The following BCL2 variants were observed in gnomAD, a reference collection of about 807,000 sequenced individuals.
BCL2 encodes the protein BCL2 apoptosis regulator.
A neutral mutation model predicts 14.2 loss-of-function variants in BCL2; 1 was observed. The observed-to-expected ratio is 0.07, with a 90% confidence interval of 0.02 to 0.33. The LOEUF is 0.33. BCL2 is among the 10% of genes least tolerant of loss of function. The pLI is 0.99. For missense variants in BCL2, 247 were observed against 305.9 expected, an observed-to-expected ratio of 0.81 and a Z score of 1.44; for synonymous variants, 151 against 137.2, an observed-to-expected ratio of 1.10 and a Z score of -0.70.
chr18:63,222,797 C>T (rs1360346812), intron 2 of BCL2, among the ~76,000 whole-genome samples: 2 of 152,132 alleles, frequency 1.3e-5, no homozygotes, highest in African/African-American at 4.8e-5. Flanking sequence ...ATAAAACCAC[C>T]AGGACAATAG....
intron 2 of BCL2, among the ~76,000 whole-genome samples, chr18:63,288,281 G>A (rs757432448): frequency 3.9e-5 from 6 of 152,170 alleles, no homozygotes; most frequent in Admixed American, 6.5e-5. Context: ...ATCACAAAGA[G>A]GGAATGACAC....
At chr18:63,224,093 C>T (rs145235581) in intron 2 of BCL2, among the ~76,000 whole-genome samples, 142 of 151,828 alleles carry the variant, frequency 9.4e-4, no homozygotes, top group African/African-American at 2.2e-3. Flanking sequence ...AAACTTAAGA[C>T]GGTAACAGAA....
chr18:63,169,373 T>TTCTCTTTCTTTCTTTCTTTC (rs1343508111), intron 2 of BCL2, among the ~76,000 whole-genome samples: 3 of 78,246 alleles, frequency 3.8e-5, no homozygotes, highest in African/African-American at 5.5e-5. Context: ...TTCTTTCTCT[T>TTCTCTTTCTTTCTTTCTTTC]TCTTTCTTTC....
At chr18:63,190,383 C>A (rs1242339829) in intron 2 of BCL2, among the ~76,000 whole-genome samples, 2 of 152,202 alleles carry the variant, frequency 1.3e-5, no homozygotes, top group Non-Finnish European at 2.9e-5. Flanking sequence ...TTTAAAACAT[C>A]TTTTCTAAGG....
At chr18:63,214,646 T>C (rs981896287) in intron 2 of BCL2, among the ~76,000 whole-genome samples, 3 of 151,972 alleles carry the variant, frequency 2.0e-5, no homozygotes, top group Non-Finnish European at 2.9e-5. Context: ...AAAAAAATCA[T>C]GCTAAAAATA....
intron 2 of BCL2, among the ~76,000 whole-genome samples, chr18:63,214,057 G>A (rs1463126662): frequency 1.3e-5 from 2 of 152,204 alleles, no homozygotes; most frequent in Non-Finnish European, 2.9e-5. Flanking sequence ...AGGTGGGCTT[G>A]CTGGCCAAGA....
At chr18:63,223,202 C>A (rs573833764) in intron 2 of BCL2, among the ~76,000 whole-genome samples, 3 of 152,000 alleles carry the variant, frequency 2.0e-5, no homozygotes, top group African/African-American at 7.3e-5. Context: ...GAGATTGAGA[C>A]CATCCTGGCT....
At chr18:63,220,584 G>A (rs1910363818) in intron 2 of BCL2, among the ~76,000 whole-genome samples, 1 of 152,052 alleles carries the variant, frequency 6.6e-6, no homozygotes, top group African/African-American at 2.4e-5. Flanking sequence ...TTTGGAAAAT[G>A]GTAAAGATAT....
intron 2 of BCL2, among the ~76,000 whole-genome samples, chr18:63,181,017 T>C (rs1163910871): frequency 1.3e-5 from 2 of 152,304 alleles, no homozygotes; most frequent in African/African-American, 2.4e-5. Flanking sequence ...GTGGAGAAGA[T>C]GCTTTGTTTC....
At chr18:63,303,890 A>C (rs1913040542) in intron 2 of BCL2, among the ~76,000 whole-genome samples, 1 of 152,238 alleles carries the variant, frequency 6.6e-6, no homozygotes, top group African/African-American at 2.4e-5. Context: ...TTTAGCCAAA[A>C]ATAGTAAAAG....
chr18:63,238,268 G>A (rs747382562), intron 2 of BCL2, among the ~76,000 whole-genome samples: 1 of 152,148 alleles, frequency 6.6e-6, no homozygotes, highest in African/African-American at 2.4e-5. Flanking sequence ...GCCTGTGAAC[G>A]GCATCCCAGG....
intron 2 of BCL2, among the ~76,000 whole-genome samples, chr18:63,251,576 C>G (rs1471873281): frequency 1.4e-5 from 2 of 148,024 alleles, no homozygotes; most frequent in Non-Finnish European, 3.0e-5. Context: ...ACCCGGGAGG[C>G]GGAGCTTGCA....
At chr18:63,250,397 C>T (rs537380122) in intron 2 of BCL2, among the ~76,000 whole-genome samples, 1 of 152,332 alleles carries the variant, frequency 6.6e-6, no homozygotes, top group South Asian at 2.1e-4. Context: ...CAAACTTTTA[C>T]AGGACCATTT....
At chr18:63,236,818 A>G (rs3810028) in intron 2 of BCL2, among the ~76,000 whole-genome samples, 4,841 of 152,278 alleles carry the variant, frequency 0.032, 131 homozygotes, top group East Asian at 0.069. Context: ...GTTTAGGGGC[A>G]TTAGCTCTGA....
intron 2 of BCL2, among the ~76,000 whole-genome samples, chr18:63,201,806 C>G (rs1483866875): frequency 2.0e-5 from 3 of 151,322 alleles, no homozygotes; most frequent in Admixed American, 1.3e-4. Context: ...GGGAGGAGAA[C>G]ATCACACACT....
At chr18:63,169,449 T>C (rs1915172283) in intron 2 of BCL2, among the ~76,000 whole-genome samples, 2 of 144,638 alleles carry the variant, frequency 1.4e-5, no homozygotes, top group African/African-American at 2.6e-5. Context: ...TTCTTTCCTT[T>C]CTCCCTCTCT....
chr18:63,218,364 C>G (rs1432015248), intron 2 of BCL2, among the ~76,000 whole-genome samples: 2 of 152,100 alleles, frequency 1.3e-5, no homozygotes, highest in Non-Finnish European at 2.9e-5. Context: ...CTCAATGTCT[C>G]TCCCTACTGG....
chr18:63,131,459 C>A (rs1376276283), intron 2 of BCL2, among the ~76,000 whole-genome samples: 1 of 152,192 alleles, frequency 6.6e-6, no homozygotes, highest in African/African-American at 2.4e-5. Flanking sequence ...AAGATGCACA[C>A]CCCTCTCCAT....
chr18:63,218,224 C>T (rs1280723169), intron 2 of BCL2, among the ~76,000 whole-genome samples: 1 of 152,060 alleles, frequency 6.6e-6, no homozygotes, highest in Non-Finnish European at 1.5e-5. Flanking sequence ...TTCTGTCTGA[C>T]ACCAGCAAGT....
Sources: gnomAD v4.1 joint callset for allele counts (sites outside exome capture counted in the v4.1 genomes callset) on GRCh38, gnomAD v4.1.1 for gene constraint, MANE v1.5 for transcripts, NCBI Gene and HGNC (gene_info 2026-07-23, HGNC 2026-07-21) for gene names.